Variants in PLEKHA7 observed in about 807,000 individuals in gnomAD.
The protein encoded by PLEKHA7 is pleckstrin homology domain containing A7.
Under a neutral mutation model 170.0 loss-of-function variants are expected in PLEKHA7, and 104 were observed. That is an observed-to-expected ratio of 0.61 (90% confidence interval 0.52 to 0.72). The LOEUF (loss-of-function observed/expected upper bound fraction) is 0.72. Ranked by LOEUF, PLEKHA7 falls within the 30% of genes least tolerant of loss-of-function variation. PLEKHA7 has a pLI of 0.00. For missense variants in PLEKHA7, 1,615 were observed against 1,671.7 expected (o/e 0.97, Z 0.59); for synonymous variants, 648 against 660.8 (o/e 0.98, Z 0.30).
chr11:16,931,922 A>C (rs1251148223), intron 3 of PLEKHA7, among the ~76,000 whole-genome samples: 2 of 152,192 alleles, frequency 1.3e-5, no homozygotes. Context: ...CATTGGCCAC[A>C]CAGGAAGGTC....
At chr11:16,915,552 C>G (rs887096014) in intron 3 of PLEKHA7, among the ~76,000 whole-genome samples, 15 of 139,926 alleles carry the variant, frequency 1.1e-4, no homozygotes, top group African/African-American at 3.7e-4. Flanking sequence ...GTGATGTTCC[C>G]CTTCCTGTGT....
intron 4 of PLEKHA7, among the ~76,000 whole-genome samples, chr11:16,859,777 C>G (rs1006038944): frequency 6.6e-6 from 1 of 152,234 alleles, no homozygotes; most frequent in Non-Finnish European, 1.5e-5. Flanking sequence ...CCTGTGCCCC[C>G]GAGCTGAGCA....
At chr11:16,854,424 C>T (rs538138437) in intron 6 of PLEKHA7, among the ~76,000 whole-genome samples, 1 of 152,174 alleles carries the variant, frequency 6.6e-6, no homozygotes, top group South Asian at 2.1e-4. Context: ...AATGGCAGGC[C>T]AAGGTGGTGA....
chr11:16,815,566 C>T (rs904723349), intron 12 of PLEKHA7, among the ~76,000 whole-genome samples: 1 of 152,172 alleles, frequency 6.6e-6, no homozygotes, highest in Non-Finnish European at 1.5e-5. Context: ...GCTTTGTCAC[C>T]CAGGCTGGAG....
chr11:16,936,964 T>C (rs1414465610), intron 3 of PLEKHA7, among the ~76,000 whole-genome samples: 2 of 152,248 alleles, frequency 1.3e-5, no homozygotes, highest in East Asian at 1.9e-4. Flanking sequence ...AATGTGACCT[T>C]GGGCAAGCTG....
At chr11:16,828,703 G>A (rs1175530073) in intron 9 of PLEKHA7, among the ~76,000 whole-genome samples, 4 of 152,146 alleles carry the variant, frequency 2.6e-5, no homozygotes, top group Non-Finnish European at 5.9e-5. Context: ...ATTTTCATTT[G>A]GGAATCACTT....
intron 3 of PLEKHA7, among the ~76,000 whole-genome samples, chr11:16,919,665 T>TA (rs1858943387): frequency 6.6e-6 from 1 of 151,966 alleles, no homozygotes; most frequent in African/African-American, 2.4e-5. Flanking sequence ...CCTCATCTCT[T>TA]AAAATTAAAA....
Position 16,902,065 on chromosome 11 carries a change from T to C in PLEKHA7, c.222-30883A>G, listed in dbSNP as rs541165353. 2.0e-4 allele frequency among the ~76,000 whole-genome samples: 30 copies of C among 152,310 alleles called. 1 individual carries two copies. In the South Asian group the frequency reaches 6.2e-3, roughly 32 times the overall value. On this transcript the variant is annotated intron_variant, in intron 3 of 26. Coordinates refer to ENST00000531066, the MANE Select transcript of PLEKHA7 (RefSeq NM_001329630.2). ...TCTCTGGATTTCCCTATTCTGGACA[T>C]TCCATATAAATAGGCTTAGACACTA...
chr11:16,890,197 C>T (rs996721287), intron 3 of PLEKHA7, among the ~76,000 whole-genome samples: 1 of 152,158 alleles, frequency 6.6e-6, no homozygotes, highest in Non-Finnish European at 1.5e-5. Flanking sequence ...ATCATAAAAA[C>T]ACATGAAAGT....
chr11:16,938,158 G>A (rs1192449082), intron 3 of PLEKHA7, among the ~76,000 whole-genome samples: 1 of 152,122 alleles, frequency 6.6e-6, no homozygotes, highest in Non-Finnish European at 1.5e-5. Context: ...TCAGAGGAAG[G>A]AGGCAGGATG....
intron 3 of PLEKHA7, among the ~76,000 whole-genome samples, chr11:16,982,392 A>C (rs1341405432): frequency 6.6e-6 from 1 of 152,178 alleles, no homozygotes; most frequent in Non-Finnish European, 1.5e-5. Flanking sequence ...CCCCACCCCA[A>C]CCCAGGAAAG....
intron 4 of PLEKHA7, among the ~76,000 whole-genome samples, chr11:16,862,888 C>G (rs1854080993): frequency 6.6e-6 from 1 of 152,162 alleles, no homozygotes; most frequent in African/African-American, 2.4e-5. Context: ...ACCATGGCAA[C>G]CAAATACAAC....
At chr11:16,781,694 G>A (rs1244593440) in intron 26 of PLEKHA7, among the ~76,000 whole-genome samples, 4 of 152,138 alleles carry the variant, frequency 2.6e-5, no homozygotes, top group African/African-American at 9.7e-5. Flanking sequence ...CTAAGACTAT[G>A]GCCCCTCCCC....
chr11:16,904,822 G>A (rs1238263543), intron 3 of PLEKHA7, among the ~76,000 whole-genome samples: 1 of 152,028 alleles, frequency 6.6e-6, no homozygotes, highest in Non-Finnish European at 1.5e-5. Flanking sequence ...GAAATGTTTA[G>A]ACATAAAAAG....
At chr11:16,964,556 C>T (rs7939987) in intron 3 of PLEKHA7, among the ~76,000 whole-genome samples, 126,229 of 152,166 alleles carry the variant, frequency 0.83, 52,813 homozygotes, top group South Asian at 0.91. Context: ...CCTGAGGGGC[C>T]TTGGGGTAAC....
At chr11:16,995,265 C>T (rs369373158) in intron 3 of PLEKHA7, among the ~76,000 whole-genome samples, 6 of 152,208 alleles carry the variant, frequency 3.9e-5, no homozygotes, top group African/African-American at 1.4e-4. Flanking sequence ...CTGGGCCACT[C>T]TGGCTTTCAA....
rs116609641 is a variant in PLEKHA7, at chr11:16,978,457, G to C, written c.221+35532C>G. ...AGCAGGCCTGAGCAAACCCAACCAT[G>C]ATGGGCTTTAGAATCACAGAGAATA... On this transcript the variant is annotated intron_variant, in intron 3 of 26. Coordinates refer to ENST00000531066, the MANE Select transcript of PLEKHA7 (RefSeq NM_001329630.2). Among the ~76,000 whole-genome samples the C allele has an allele frequency of 8.7e-3, 1,330 of 152,324 alleles. 21 individuals are homozygous for C. The highest frequency in any genetic ancestry group is 0.029 in the African/African-American group (1,201 of 41,576).
chr11:16,829,667 T>C (rs1295653229), intron 9 of PLEKHA7, among the ~76,000 whole-genome samples: 1 of 152,042 alleles, frequency 6.6e-6, no homozygotes, highest in East Asian at 1.9e-4. Flanking sequence ...CCCCAGCTAC[T>C]CAGGAGGCTG....
chr11:16,897,699 T>G (rs932036120), intron 3 of PLEKHA7, among the ~76,000 whole-genome samples: 3 of 152,174 alleles, frequency 2.0e-5, no homozygotes, highest in African/African-American at 7.2e-5. Flanking sequence ...CATGAACACC[T>G]CACATATGCC....
Sources: gnomAD v4.1 joint callset for allele counts (sites outside exome capture counted in the v4.1 genomes callset) on GRCh38, gnomAD v4.1.1 for gene constraint, MANE v1.5 for transcripts, NCBI Gene and HGNC (gene_info 2026-07-23, HGNC 2026-07-21) for gene names.